Variants in SCNN1G observed in about 807,000 individuals in gnomAD.
SCNN1G encodes the protein sodium channel epithelial 1 subunit gamma.
A neutral mutation model predicts 64.6 loss-of-function variants in SCNN1G; 27 were observed. The observed-to-expected ratio is 0.42, with a 90% CI of 0.31 to 0.58. The LOEUF (loss-of-function observed/expected upper bound fraction) is 0.58, where lower values mean the gene tolerates loss of function less well. Among genes scored for constraint, SCNN1G ranks in the 20% least tolerant of loss-of-function variants. SCNN1G has a pLI of 0.18. For synonymous variants in SCNN1G, 330 were observed against 314.2 expected, an observed-to-expected ratio of 1.05 and a Z score of -0.53; for missense variants, 743 against 823.4, an observed-to-expected ratio of 0.90 and a Z score of 1.19.
chr16:23,186,490 C>T lies in SCNN1G; in HGVS notation c.219C>T (p.Leu73=). ...AVALILWQCA[L]LVFSFYTVSV... ...CCCTCATCCTCTGGCAGTGCGCCCT[C>T]CTCGTCTTCTCCTTCTATACTGTCT... Residue 73 remains leucine, a synonymous_variant, in exon 2 of 13, where the codon CTC becomes CTT. Transcript: ENST00000300061. 2.5e-6 allele frequency: 4 copies of T among 1,614,160 alleles called. No individual in the cohort carries two copies. The highest frequency in any genetic ancestry group is 3.4e-6 in the Non-Finnish European group (4 of 1,180,036).
rs1960107056 is a variant in SCNN1G, at chr16:23,213,104, G to GTGGT, written c.1437_1440dup (p.Leu481ValfsTer46). 6.2e-7 allele frequency: 1 copy of GTGGT among 1,613,790 alleles called. No individual in the cohort carries two copies. Among genetic ancestry groups the GTGGT allele is most frequent in the Non-Finnish European group, 8.5e-7 (1 of 1,179,858 alleles). On this transcript the variant is annotated frameshift_variant, in exon 11 of 13. Coordinates refer to ENST00000300061, the MANE Select transcript of SCNN1G (RefSeq NM_001039.4). LOFTEE classifies it high-confidence loss of function. Reference sequence around the variant, plus strand: ...CACGCTTTCTCTCTCCGTTGTAGAAGTGGTTGCTGCCTGTTCTCACTTGGG... The same window carrying GTGGT: ...CACGCTTTCTCTCTCCGTTGTAGAAGTGGTTGGTTGCTGCCTGTTCTCACTTGGG...
chr16:23,215,781 T>C lies in SCNN1G; in HGVS notation c.*312T>C. On this transcript the variant is annotated 3_prime_UTR_variant, in exon 13 of 13. Coordinates refer to ENST00000300061, the MANE Select transcript of SCNN1G (RefSeq NM_001039.4). ...CCCAAGTGAAGGCCAGAGTGAGGAC[T>C]GATGCAGCTCTTTACGGGTCTTGAG... 2 of 464,076 alleles carry C rather than the reference T, an allele frequency of 4.3e-6. No homozygotes were observed. Among genetic ancestry groups the C allele is most frequent in the Non-Finnish European group, 4.0e-6 (1 of 251,388 alleles). 28.7% of individuals were successfully genotyped at this position (464,076 alleles called of 1,614,324 possible).
chr16:23,186,424 G>C lies in SCNN1G; in HGVS notation c.153G>C (p.Leu51=), dbSNP rs752015752. The part of the protein sequence containing the change: ...CRRIVVSRGR[L]RRLLWIGFTL... ...GCATCGTGGTGTCCCGCGGCCGTCT[G>C]CGCCGCCTCCTCTGGATCGGGTTCA... The change falls in exon 2 of 13, where the codon CTG becomes CTC. Residue 51 remains leucine, a synonymous_variant. Coordinates refer to ENST00000300061, the MANE Select transcript of SCNN1G (RefSeq NM_001039.4). The C allele has an allele frequency of 1.7e-5, 28 of 1,614,250 alleles. No individual in the cohort carries two copies. In the East Asian group the frequency reaches 5.6e-4, roughly 32 times the overall value.
intron 11 of SCNN1G, 27 bp downstream of exon 11, chr16:23,213,190 GTC>G (rs771794499): frequency 6.4e-7 from 1 of 1,562,180 alleles, no homozygotes; most frequent in Non-Finnish European, 8.8e-7. Flanking sequence ...CTGTTCCTCT[GTC>G]TCTTCCCACC....
intron 6 of SCNN1G, among the ~76,000 whole-genome samples, chr16:23,204,298 T>TAC (rs1959941987): frequency 2.0e-4 from 4 of 19,660 alleles, no homozygotes; most frequent in Non-Finnish European, 3.7e-4. Flanking sequence ...CATATATATA[T>TAC]ATATATATAT....
At chr16:23,184,066 G>A (rs1201207743) in intron 1 of SCNN1G, among the ~76,000 whole-genome samples, 2 of 152,186 alleles carry the variant, frequency 1.3e-5, no homozygotes, top group East Asian at 3.8e-4. Context: ...TCCACCAAGG[G>A]TATCACATTG....
At chr16:23,189,117 G>A (rs966196264) in intron 2 of SCNN1G, among the ~76,000 whole-genome samples, 6 of 152,168 alleles carry the variant, frequency 3.9e-5, no homozygotes, top group African/African-American at 1.4e-4. Context: ...CACCCTGAGG[G>A]CAAGCAGACA....
At chr16:23,212,780 A>G (rs1208000004) in intron 9 of SCNN1G, 24 bp downstream of exon 9, 1 of 1,613,732 alleles carries the variant, frequency 6.2e-7, no homozygotes, top group East Asian at 2.2e-5. Flanking sequence ...AAGGGGTGAG[A>G]CGGGTGGCTG....
At chr16:23,208,434 G>A (rs939595217) in intron 6 of SCNN1G, among the ~76,000 whole-genome samples, 2 of 152,098 alleles carry the variant, frequency 1.3e-5, no homozygotes, top group Non-Finnish European at 2.9e-5. Flanking sequence ...GATCAGGGTA[G>A]CATTCTACTC....
chr16:23,214,965 C>A (rs1345126157), intron 12 of SCNN1G, 124 bp from the exon 13 acceptor site: 14 of 1,252,508 alleles, frequency 1.1e-5, no homozygotes, highest in Non-Finnish European at 1.5e-5. Context: ...AGGCTGCCTG[C>A]TTCTTCCTCC....
At chr16:23,203,030 A>G (rs1423951592) in intron 6 of SCNN1G, among the ~76,000 whole-genome samples, 1 of 152,218 alleles carries the variant, frequency 6.6e-6, no homozygotes, top group Non-Finnish European at 1.5e-5. Context: ...AACCCTAAAC[A>G]TGCAAATGTT....
At chr16:23,194,146 T>A in intron 4 of SCNN1G, 25 bp from the exon 5 acceptor site, 1 of 1,531,596 alleles carries the variant, frequency 6.5e-7, no homozygotes, top group East Asian at 2.2e-5. Flanking sequence ...GAGATCCCTT[T>A]CTGACCCATT....
At chr16:23,198,249 A>G (rs1316000792) in intron 6 of SCNN1G, among the ~76,000 whole-genome samples, 1 of 152,176 alleles carries the variant, frequency 6.6e-6, no homozygotes, top group Non-Finnish European at 1.5e-5. Flanking sequence ...CAGAAGCACA[A>G]GTAAGCCGCA....
intron 1 of SCNN1G, among the ~76,000 whole-genome samples, chr16:23,185,713 C>T (rs13306655): frequency 2.0e-4 from 31 of 152,238 alleles, no homozygotes; most frequent in Non-Finnish European, 3.4e-4. Flanking sequence ...AGGTGGCTGC[C>T]GGGAAATTTT....
rs181938830 is a variant in SCNN1G at position 23,188,612 on chromosome 16, G to T, written c.318-759G>T. ...TCATTGAACCTTCCCAGCAAATCCC[G>T]TTTTACAAAGGAGAATGCTAAAACA... On this transcript the variant is annotated intron_variant, in intron 2 of 12. Coordinates refer to ENST00000300061, the MANE Select transcript of SCNN1G (RefSeq NM_001039.4). 5.4e-4 allele frequency among the ~76,000 whole-genome samples: 82 copies of T among 152,206 alleles called. 1 individual carries two copies. Among genetic ancestry groups the T allele is most frequent in the African/African-American group, 1.4e-3 (57 of 41,522 alleles).
chr16:23,194,024 A>G, intron 4 of SCNN1G, 147 bp from the exon 5 acceptor site: 1 of 696,346 alleles, frequency 1.4e-6, no homozygotes, highest in Non-Finnish European at 2.7e-6. Context: ...CTTGTTTGTC[A>G]TTTGATCAGG....
rs150911038 is a variant in SCNN1G, at chr16:23,192,387, C to T, written c.654C>T (p.Thr218=). The T allele has an allele frequency of 1.2e-6, 2 of 1,614,158 alleles. No individual in the cohort carries two copies. Among genetic ancestry groups the T allele is most frequent in the South Asian group, 2.2e-5 (2 of 91,080 alleles). The change falls in exon 4 of 13, where the codon ACC becomes ACT. Residue 218 remains threonine, a synonymous_variant. Coordinates refer to ENST00000300061, the MANE Select transcript of SCNN1G (RefSeq NM_001039.4). The part of the protein sequence containing the change: ...SNDTSDCATY[T]FSSGINAIQE... ...ACACCTCCGACTGTGCCACCTACAC[C>T]TTCAGCTCGGGAATCAATGCCATTC...
chr16:23,188,299 A>G (rs1242454220), intron 2 of SCNN1G, among the ~76,000 whole-genome samples: 1 of 152,204 alleles, frequency 6.6e-6, no homozygotes, highest in Non-Finnish European at 1.5e-5. Flanking sequence ...GCTTGAGGCC[A>G]GGAATTCGAG....
At chr16:23,211,044 TA>T (rs34689994) in intron 7 of SCNN1G, among the ~76,000 whole-genome samples, 32,107 of 151,750 alleles carry the variant, frequency 0.21, 3,517 homozygotes, top group African/African-American at 0.25. Flanking sequence ...TCTTTAAAAA[TA>T]AAAAAAGTGA....
Sources: gnomAD v4.1 joint callset for allele counts (sites outside exome capture counted in the v4.1 genomes callset) on GRCh38, gnomAD v4.1.1 for gene constraint, MANE v1.5 for transcripts, NCBI Gene and HGNC (gene_info 2026-07-23, HGNC 2026-07-21) for gene names.